Variants in PDGFD observed in about 807,000 individuals in gnomAD.
PDGFD encodes platelet-derived growth factor D.
Under a neutral mutation model 44.7 loss-of-function variants are expected in PDGFD, and 30 were observed. That is an observed-to-expected ratio of 0.67 (90% CI 0.50 to 0.91). The LOEUF is 0.91. Among genes scored for constraint, PDGFD ranks in the 40% least tolerant of loss-of-function variants. The probability of loss-of-function intolerance (pLI) is 0.00; values close to 1 mark genes in which losing one functional copy is unlikely to be tolerated. For missense variants in PDGFD, 445 were observed against 457.8 expected (o/e 0.97, Z 0.25); for synonymous variants, 173 against 168.4 (o/e 1.03, Z -0.21).
At chr11:103,913,466 A>G (rs1300736488) in intron 6 of PDGFD, among the ~76,000 whole-genome samples, 1 of 152,258 alleles carries the variant, frequency 6.6e-6, no homozygotes, top group Admixed American at 6.5e-5. Flanking sequence ...GAACAAAGAC[A>G]CAATGTACCA....
intron 1 of PDGFD, 137 bp downstream of exon 1, chr11:104,163,667 G>T: frequency 9.4e-7 from 1 of 1,061,518 alleles, no homozygotes; most frequent in Non-Finnish European, 1.3e-6. Flanking sequence ...ACAGGCAGGA[G>T]ACCTCCCTCC....
At chr11:104,018,311 C>T (rs1374602574) in intron 1 of PDGFD, among the ~76,000 whole-genome samples, 1 of 152,174 alleles carries the variant, frequency 6.6e-6, no homozygotes, top group African/African-American at 2.4e-5. Flanking sequence ...TGCTTCTGTG[C>T]ACTTACATAT....
At chr11:104,104,510 T>C (rs763151573) in intron 1 of PDGFD, among the ~76,000 whole-genome samples, 1 of 152,096 alleles carries the variant, frequency 6.6e-6, no homozygotes, top group Non-Finnish European at 1.5e-5. Context: ...ATTATACCTC[T>C]CCTATGTTTA....
At chr11:104,129,763 C>G (rs367559713) in intron 1 of PDGFD, among the ~76,000 whole-genome samples, 6 of 152,044 alleles carry the variant, frequency 3.9e-5, no homozygotes, top group East Asian at 3.9e-4. Context: ...AATCCCAGCA[C>G]TTTGGGAGGC....
intron 1 of PDGFD, among the ~76,000 whole-genome samples, chr11:104,085,962 T>A (rs1209229560): frequency 6.6e-6 from 1 of 151,980 alleles, no homozygotes; most frequent in African/African-American, 2.4e-5. Flanking sequence ...GAGTTAGGGG[T>A]TTGGACGATA....
intron 1 of PDGFD, among the ~76,000 whole-genome samples, chr11:104,022,668 T>C (rs180768013): frequency 7.2e-4 from 110 of 152,130 alleles, no homozygotes; most frequent in African/African-American, 2.1e-3. Context: ...AGTATATATA[T>C]TTGAACCTTA....
At chr11:104,037,528 G>A (rs758019209) in intron 1 of PDGFD, 18 of 1,614,134 alleles carry the variant, frequency 1.1e-5, no homozygotes, top group Non-Finnish European at 1.5e-5. Flanking sequence ...AGAGGCCCCC[G>A]AGAGTTTTGG....
At chr11:104,101,619 G>T (rs560891517) in intron 1 of PDGFD, among the ~76,000 whole-genome samples, 1 of 152,088 alleles carries the variant, frequency 6.6e-6, no homozygotes, top group African/African-American at 2.4e-5. Context: ...TCATCGCCAA[G>T]TCAATCCTAA....
chr11:103,991,151 A>T (rs75174696), intron 3 of PDGFD, among the ~76,000 whole-genome samples: 25,635 of 151,838 alleles, frequency 0.17, 2,265 homozygotes, highest in African/African-American at 0.21. Flanking sequence ...AAAAGAAAAA[A>T]AAAAAAATTC....
intron 1 of PDGFD, among the ~76,000 whole-genome samples, chr11:104,017,787 T>C (rs1859881765): frequency 6.6e-6 from 1 of 152,208 alleles, no homozygotes; most frequent in Admixed American, 6.5e-5. Flanking sequence ...TAAAGCCTTG[T>C]ATATGTATAC....
At chr11:103,978,115 A>C (rs1040530216) in intron 3 of PDGFD, among the ~76,000 whole-genome samples, 6 of 152,070 alleles carry the variant, frequency 3.9e-5, no homozygotes, top group Non-Finnish European at 8.8e-5. Flanking sequence ...AACAGGCACC[A>C]GTAGTGTCGT....
At position 104,074,289 on chromosome 11, in the gene PDGFD, T is replaced by C. The variant is rs182085324; in HGVS notation, c.125-74034A>G. Among the ~76,000 whole-genome samples the C allele has an allele frequency of 5.3e-5, 8 of 152,322 alleles. No homozygotes were observed. The East Asian group carries it at 1.5e-3, about 29-fold the overall frequency. ...CTGGCCCATGAACTTGCGAGAACAG[T>C]ACATCGTTGCTGTTTTAAGCCTTTA... On this transcript the variant is annotated intron_variant, in intron 1 of 6. Transcript: ENST00000393158.
At chr11:104,118,814 AT>A (rs1565340155) in intron 1 of PDGFD, among the ~76,000 whole-genome samples, 3,574 of 50,588 alleles carry the variant, frequency 0.071, 155 homozygotes, top group African/African-American at 0.12. Context: ...TATATAATAT[AT>A]TATATATTAT....
intron 6 of PDGFD, among the ~76,000 whole-genome samples, chr11:103,913,494 T>A (rs1191113722): frequency 6.6e-6 from 1 of 152,198 alleles, no homozygotes; most frequent in East Asian, 1.9e-4. Context: ...TGGGGCATAT[T>A]TAAAGCAGTG....
chr11:103,943,747 T>C, intron 4 of PDGFD, 97 bp from the exon 5 acceptor site: 1 of 995,984 alleles, frequency 1.0e-6, no homozygotes, highest in Non-Finnish European at 1.5e-6. Context: ...AACAGGCTTC[T>C]GAGTATAAGA....
At chr11:104,121,686 T>C (rs552453018) in intron 1 of PDGFD, among the ~76,000 whole-genome samples, 1 of 152,204 alleles carries the variant, frequency 6.6e-6, no homozygotes, top group South Asian at 2.1e-4. Context: ...TCAATTTCTG[T>C]ACTTAATTCA....
intron 1 of PDGFD, among the ~76,000 whole-genome samples, chr11:104,107,450 T>C (rs1861487780): frequency 6.6e-6 from 1 of 152,168 alleles, no homozygotes; most frequent in Non-Finnish European, 1.5e-5. Context: ...TGCTGACACC[T>C]TCATCAGAAT....
At chr11:104,043,211 C>A (rs1248150795) in intron 1 of PDGFD, among the ~76,000 whole-genome samples, 1 of 152,216 alleles carries the variant, frequency 6.6e-6, no homozygotes, top group African/African-American at 2.4e-5. Context: ...CTAAATACAA[C>A]AAGGAAGGAT....
intron 1 of PDGFD, among the ~76,000 whole-genome samples, chr11:104,002,864 A>G (rs951917904): frequency 6.6e-6 from 1 of 152,236 alleles, no homozygotes; most frequent in Non-Finnish European, 1.5e-5. Context: ...AATGGCAAGC[A>G]GCCATCATTT....
Sources: allele counts gnomAD v4.1 joint callset (sites outside exome capture counted in the v4.1 genomes callset), GRCh38; gene constraint gnomAD v4.1.1; transcripts MANE v1.5; gene names NCBI Gene and HGNC (gene_info 2026-07-23, HGNC 2026-07-21).